GABRA3: variants seen among roughly 807,000 people sequenced by gnomAD.
GABRA3 encodes gamma-aminobutyric acid type A receptor subunit alpha3, also known as gamma-aminobutyric acid receptor subunit alpha-3.
A neutral mutation model predicts 30.1 loss-of-function variants in GABRA3; 10 were observed. That is an observed-to-expected ratio of 0.33 (90% CI 0.20 to 0.56). The LOEUF is 0.56. GABRA3 is among the 20% of genes least tolerant of loss of function. GABRA3 has a pLI of 0.89. For synonymous variants in GABRA3, 151 were observed against 146.8 expected (o/e 1.03, Z -0.21); for missense variants, 233 against 392.0 (o/e 0.59, Z 3.42).
intron 6 of GABRA3, among the ~76,000 whole-genome samples, chrX:152,221,083 G>T (rs1265058664): frequency 9.0e-6 from 1 of 110,806 alleles, no homozygotes; most frequent in Non-Finnish European, 1.9e-5. Flanking sequence ...TTCTAATAAA[G>T]AAAATTTCTT....
chrX:152,181,691 G>A (rs1231226659), intron 9 of GABRA3, among the ~76,000 whole-genome samples: 1 of 109,883 alleles, frequency 9.1e-6, no homozygotes, highest in African/African-American at 3.3e-5. Flanking sequence ...GGCTGGGGGA[G>A]GGATAGCATT....
chrX:152,195,688 C>T (rs1937376474), intron 8 of GABRA3, among the ~76,000 whole-genome samples: 1 of 111,845 alleles, frequency 8.9e-6, no homozygotes, highest in South Asian at 3.8e-4. Context: ...ATTGCTTTCT[C>T]CTCCATAGTC....
chrX:152,248,743 T>C (rs1035508684), intron 5 of GABRA3, among the ~76,000 whole-genome samples: 3 of 111,687 alleles, frequency 2.7e-5, no homozygotes, highest in African/African-American at 9.7e-5. Flanking sequence ...TAAGTTCAAG[T>C]GATCTATCAT....
chrX:152,231,063 A>G (rs1938058590), intron 5 of GABRA3, among the ~76,000 whole-genome samples: 1 of 109,792 alleles, frequency 9.1e-6, no homozygotes, highest in African/African-American at 3.3e-5. Context: ...CTGATAAAGG[A>G]CTTGCATTAA....
intron 3 of GABRA3, among the ~76,000 whole-genome samples, chrX:152,318,637 G>C (rs1338081942): frequency 2.7e-5 from 3 of 111,925 alleles, no homozygotes; most frequent in Non-Finnish European, 5.6e-5. Context: ...ATGATCAAGT[G>C]GGTTTCATAC....
chrX:152,182,702 G>C (rs764156473), intron 9 of GABRA3, among the ~76,000 whole-genome samples: 1 of 24,477 alleles, frequency 4.1e-5, no homozygotes, highest in Non-Finnish European at 7.1e-5. Flanking sequence ...TGTATATATA[G>C]TGTATATATA....
intron 1 of GABRA3, among the ~76,000 whole-genome samples, chrX:152,395,388 C>T (rs996490586): frequency 9.0e-6 from 1 of 111,504 alleles, no homozygotes; most frequent in Admixed American, 9.5e-5. Context: ...ATTTTTTACA[C>T]ATTAATGATG....
At chrX:152,217,206 G>T (rs777136172) in intron 6 of GABRA3, among the ~76,000 whole-genome samples, 1 of 111,101 alleles carries the variant, frequency 9.0e-6, no homozygotes, top group Non-Finnish European at 1.9e-5. Context: ...TGAGATGATC[G>T]TGTGGTTTTT....
chrX:152,199,148 C>G (rs372546875), intron 7 of GABRA3, among the ~76,000 whole-genome samples: 27 of 110,758 alleles, frequency 2.4e-4, no homozygotes, highest in African/African-American at 8.9e-4. Flanking sequence ...GGGCAGATTA[C>G]GAGGTCAGGA....
chrX:152,301,269 T>G (rs1291372268), intron 3 of GABRA3, among the ~76,000 whole-genome samples: 1 of 111,678 alleles, frequency 9.0e-6, no homozygotes, highest in African/African-American at 3.3e-5. Context: ...AGCAAAACTA[T>G]GTTTAGGAAA....
At chrX:152,433,646 C>A (rs1264138702) in intron 1 of GABRA3, among the ~76,000 whole-genome samples, 1 of 67,168 alleles carries the variant, frequency 1.5e-5, no homozygotes, top group African/African-American at 5.6e-5. Context: ...TCAAAGCAAA[C>A]AAAAGGAAGG....
intron 5 of GABRA3, among the ~76,000 whole-genome samples, chrX:152,230,275 G>A (rs1218277382): frequency 1.8e-5 from 2 of 111,343 alleles, no homozygotes; most frequent in Non-Finnish European, 3.8e-5. Context: ...AAATAATTAG[G>A]CAACCAAAAG....
chrX:152,362,667 T>A (rs1051155434), intron 2 of GABRA3, among the ~76,000 whole-genome samples: 1 of 111,330 alleles, frequency 9.0e-6, no homozygotes, highest in Non-Finnish European at 1.9e-5. Context: ...AGAGACAACA[T>A]CAGATTAAAC....
At chrX:152,193,341 C>T (rs764762176) in intron 8 of GABRA3, among the ~76,000 whole-genome samples, 60 of 111,883 alleles carry the variant, frequency 5.4e-4, no homozygotes, top group African/African-American at 1.8e-3. Flanking sequence ...TAGGTTCATT[C>T]ATGTTGTTGC....
chrX:152,364,689 G>A (rs981926328), intron 1 of GABRA3, 93 bp from the exon 2 acceptor site: 1 of 630,314 alleles, frequency 1.6e-6, no homozygotes, highest in Non-Finnish European at 2.4e-6. Flanking sequence ...AGAAAGAGAT[G>A]TTATTAAACT....
At chrX:152,349,243 T>A (rs189810932) in intron 2 of GABRA3, among the ~76,000 whole-genome samples, 11 of 110,572 alleles carry the variant, frequency 9.9e-5, no homozygotes, top group African/African-American at 3.3e-4. Flanking sequence ...CCCTTCAAGT[T>A]TTTTCACGAG....
chrX:152,195,774 C>A (rs1446854672), intron 8 of GABRA3, among the ~76,000 whole-genome samples: 10 of 111,466 alleles, frequency 9.0e-5, no homozygotes, highest in African/African-American at 3.3e-4. Flanking sequence ...TCAGAATAAT[C>A]TCTCCATCTC....
At chrX:152,190,320 G>A (rs1937307568) in intron 8 of GABRA3, among the ~76,000 whole-genome samples, 1 of 109,548 alleles carries the variant, frequency 9.1e-6, no homozygotes, top group Non-Finnish European at 1.9e-5. Flanking sequence ...TCCACAGACC[G>A]ATCTTGGAGT....
At chrX:152,232,678 T>A (rs1041289818) in intron 5 of GABRA3, among the ~76,000 whole-genome samples, 8 of 107,708 alleles carry the variant, frequency 7.4e-5, no homozygotes, top group African/African-American at 2.7e-4. Context: ...CAGCATTATA[T>A]ATATATACAT....
Sources: gnomAD v4.1 joint callset for allele counts (sites outside exome capture counted in the v4.1 genomes callset) on GRCh38, gnomAD v4.1.1 for gene constraint, MANE v1.5 for transcripts, NCBI Gene and HGNC (gene_info 2026-07-23, HGNC 2026-07-21) for gene names.